The following METTL21A variants were observed in gnomAD, a reference collection of about 807,000 sequenced individuals.
METTL21A encodes protein N-lysine methyltransferase METTL21A.
A neutral mutation model predicts 20.9 loss-of-function variants in METTL21A; 22 were observed. The observed-to-expected ratio is 1.05, with a 90% CI of 0.75 to 1.50. The LOEUF is 1.50. Ranked by LOEUF, METTL21A falls within the 40% of genes most tolerant of loss-of-function variation. The pLI, the probability that METTL21A is intolerant of heterozygous loss-of-function variation, is 0.00. For missense variants in METTL21A, 271 were observed against 266.8 expected, an observed-to-expected ratio of 1.02 and a Z score of -0.11; for synonymous variants, 93 against 102.0, an observed-to-expected ratio of 0.91 and a Z score of 0.53.
In METTL21A at chr2:207,582,920, T is replaced by TAC. The variant is rs757585290; in HGVS notation, c.260-761_260-760insGT. The TAC allele has an allele frequency of 5.8e-4, 155 of 266,854 alleles. 3 individuals are homozygous for TAC. Among genetic ancestry groups the TAC allele is most frequent in the South Asian group, 5.6e-3 (150 of 26,860 alleles). The allele number at this position is 266,854 out of a possible 1,614,324, so 16.5% of individuals were successfully genotyped here. ...AAACAAACAAACAAACAAAAAAAAA[T>TAC]ATATATATATACATACACACACACA... is the stretch of plus-strand genomic sequence containing the variant. On this transcript the variant is annotated intron_variant, in intron 3 of 3. Coordinates refer to the METTL21A transcript ENST00000425132.
At chr2:207,615,380 C>G (rs1034060970) in intron 3 of METTL21A, among the ~76,000 whole-genome samples, 1 of 151,390 alleles carries the variant, frequency 6.6e-6, no homozygotes, top group Non-Finnish European at 1.5e-5. Flanking sequence ...CACTGGAGCC[C>G]AGGAGGTCAA....
downstream of METTL21A, chr2:207,580,824 G>C (rs990160002): frequency 2.8e-4 from 63 of 221,910 alleles, no homozygotes; most frequent in African/African-American, 1.4e-3. Context: ...TCTCCTTCAT[G>C]TGCCCATCTG....
chr2:207,624,471 C>T, intron 1 of METTL21A, 67 bp from the exon 2 acceptor site: 1 of 1,351,948 alleles, frequency 7.4e-7, no homozygotes, highest in Non-Finnish European at 9.8e-7. Flanking sequence ...TTAACTAACT[C>T]CAAATGCTTT....
chr2:207,625,832 C>A (rs777726251), upstream of METTL21A: 20 of 152,300 alleles, frequency 1.3e-4, no homozygotes, highest in Non-Finnish European at 2.1e-4. Context: ...TCACTCTAGT[C>A]CCCGCGTCTC....
At chr2:207,591,898 C>G (rs2106636709) in intron 3 of METTL21A, among the ~76,000 whole-genome samples, 1 of 152,222 alleles carries the variant, frequency 6.6e-6, no homozygotes, top group Non-Finnish European at 1.5e-5. Context: ...AACTATGGCA[C>G]AAGTAGAAAT....
At chr2:207,598,423 C>A in intron 3 of METTL21A, 1 of 178,598 alleles carries the variant, frequency 5.6e-6, no homozygotes, top group Non-Finnish European at 1.2e-5. Context: ...ACATTGTTTT[C>A]AATACCACTT....
intron 3 of METTL21A, chr2:207,598,826 C>T (rs748474747): frequency 3.6e-5 from 6 of 165,514 alleles, no homozygotes; most frequent in Non-Finnish European, 6.4e-5. Context: ...CCAGCCTGGG[C>T]GACTCCATCT....
intron 3 of METTL21A, chr2:207,600,246 T>TAC (rs1344117081): frequency 1.2e-5 from 2 of 161,168 alleles, no homozygotes; most frequent in Admixed American, 6.7e-5. Context: ...TACATATATA[T>TAC]ATATATATAT....
At chr2:207,593,706 T>G (rs1232023351) in intron 3 of METTL21A, among the ~76,000 whole-genome samples, 1 of 149,762 alleles carries the variant, frequency 6.7e-6, no homozygotes, top group African/African-American at 2.5e-5. Flanking sequence ...TTAACTCATT[T>G]GATCCTCACA....
chr2:207,590,106 T>TA, intron 3 of METTL21A, among the ~76,000 whole-genome samples: 1 of 144,808 alleles, frequency 6.9e-6, no homozygotes, highest in Non-Finnish European at 1.5e-5. Flanking sequence ...TTTTTTTTTT[T>TA]TAATAGATAC....
downstream of METTL21A, among the ~76,000 whole-genome samples, chr2:207,604,446 C>G (rs2087708247): frequency 1.3e-5 from 2 of 150,866 alleles, no homozygotes; most frequent in Non-Finnish European, 1.5e-5. Context: ...CTACCTTAAT[C>G]AGTGTTATCC....
intron 2 of METTL21A, among the ~76,000 whole-genome samples, chr2:207,622,833 C>T (rs1343763233): frequency 6.6e-6 from 1 of 152,094 alleles, no homozygotes; most frequent in Non-Finnish European, 1.5e-5. Flanking sequence ...TTCTCACAGC[C>T]GCATACTGTG....
chr2:207,603,074 C>T lies in METTL21A; in HGVS notation c.259+18732G>A, dbSNP rs1575075809. ...GTATTGATTTTTAACTCTGATGTTT[C>T]TATTGGAGTTGAATACTAAATAAAT... On this transcript the variant is annotated intron_variant, in intron 3 of 3. Transcript: ENST00000425132. The T allele has an allele frequency of 2.4e-5, 5 of 211,264 alleles. No individual in the cohort carries two copies. In the East Asian group the frequency reaches 3.6e-4, roughly 15 times the overall value. 13.1% of individuals were successfully genotyped at this position (211,264 alleles called of 1,614,324 possible).
downstream of METTL21A, among the ~76,000 whole-genome samples, chr2:207,607,157 G>A (rs2088238804): frequency 6.6e-6 from 1 of 152,096 alleles, no homozygotes; most frequent in East Asian, 1.9e-4. Flanking sequence ...GGGAGGGCGA[G>A]GCAGGTCGAT....
At chr2:207,587,391 T>G (rs1574955257) in intron 3 of METTL21A, among the ~76,000 whole-genome samples, 3 of 124,028 alleles carry the variant, frequency 2.4e-5, no homozygotes, top group African/African-American at 9.2e-5. Context: ...AGACTCCATC[T>G]CAAAAAAAAA....
chr2:207,584,761 T>G (rs1360490913), intron 3 of METTL21A, among the ~76,000 whole-genome samples: 1 of 152,220 alleles, frequency 6.6e-6, no homozygotes, highest in Non-Finnish European at 1.5e-5. Flanking sequence ...AAATGTCTAT[T>G]TAGATCTTTT....
downstream of METTL21A, among the ~76,000 whole-genome samples, chr2:207,608,592 G>T (rs1217541268): frequency 6.6e-6 from 1 of 152,090 alleles, no homozygotes; most frequent in Non-Finnish European, 1.5e-5. Flanking sequence ...AACCCACCCT[G>T]CCCCATCCAC....
At chr2:207,604,294 T>C (rs1575082216), downstream of METTL21A, among the ~76,000 whole-genome samples, 1 of 152,224 alleles carries the variant, frequency 6.6e-6, no homozygotes, top group Non-Finnish European at 1.5e-5. Context: ...ACTTAACATA[T>C]GTCTTTTACA....
intron 3 of METTL21A, among the ~76,000 whole-genome samples, chr2:207,594,020 C>T (rs1319132550): frequency 6.6e-6 from 1 of 152,056 alleles, no homozygotes; most frequent in Admixed American, 6.5e-5. Context: ...GCCACCACAC[C>T]AGCCCTCACA....
Sources: gnomAD v4.1 joint callset for allele counts (sites outside exome capture counted in the v4.1 genomes callset) on GRCh38, gnomAD v4.1.1 for gene constraint, MANE v1.5 for transcripts, NCBI Gene and HGNC (gene_info 2026-07-23, HGNC 2026-07-21) for gene names.